The following VWF variants were observed in gnomAD, a reference collection of about 807,000 sequenced individuals.
VWF encodes Factor VIII related antigen.
A neutral mutation model predicts 308.6 loss-of-function variants in VWF; 176 were observed. That is an observed-to-expected ratio of 0.57 (90% CI 0.50 to 0.65). The LOEUF (loss-of-function observed/expected upper bound fraction) is 0.65, where lower values mean the gene tolerates loss of function less well. Among genes scored for constraint, VWF ranks in the 30% least tolerant of loss-of-function variants. The pLI, the probability that VWF is intolerant of heterozygous loss-of-function variation, is 0.00. For synonymous variants in VWF, 1,385 were observed against 1,443.4 expected (o/e 0.96, Z 0.92); for missense variants, 3,146 against 3,648.2 (o/e 0.86, Z 3.55).
At chr12:6,080,606 T>C (rs1218894882) in intron 6 of VWF, among the ~76,000 whole-genome samples, 4 of 151,756 alleles carry the variant, frequency 2.6e-5, no homozygotes, top group African/African-American at 9.7e-5. Context: ...AGAAACAGAG[T>C]CACCACGGCT....
rs1250165048 is a variant in VWF at position 6,057,311 on chromosome 12, A to ATTTTTTTTTTTTTTTT, written c.1730-255_1730-240dup. Among the ~76,000 whole-genome samples the ATTTTTTTTTTTTTTTT allele has an allele frequency of 7.8e-4, 101 of 129,382 alleles. 2 individuals carry two copies. The highest frequency in any genetic ancestry group is 1.1e-3 in the Non-Finnish European group (67 of 62,016). The allele number at this position is 129,382 out of a possible 152,430, so 84.9% of individuals were successfully genotyped here. A position where few individuals can be genotyped will look rare whatever the true frequency, so the allele number is the denominator to read the frequency against. On this transcript the variant is annotated intron_variant, in intron 14 of 51. Coordinates refer to ENST00000261405, the MANE Select transcript of VWF (RefSeq NM_000552.5). Reference sequence around the variant, plus strand: ...AAGGTCGAAGGACGGGGACTATGGAATTTTTTTTTTTTTTTTTTGGAGAGA... The same window carrying ATTTTTTTTTTTTTTTT: ...AAGGTCGAAGGACGGGGACTATGGAATTTTTTTTTTTTTTTTTTTTTTTTTTTTTTTTTTGGAGAGA...
At chr12:6,076,942 A>G (rs557081308) in intron 6 of VWF, among the ~76,000 whole-genome samples, 2 of 152,302 alleles carry the variant, frequency 1.3e-5, no homozygotes, top group South Asian at 4.1e-4. Context: ...TCCTAAGGAA[A>G]TCAGTGTTCT....
intron 15 of VWF, 74 bp from the exon 16 acceptor site, chr12:6,052,857 C>G (rs942452588): frequency 3.2e-6 from 5 of 1,552,018 alleles, no homozygotes; most frequent in African/African-American, 2.7e-5. Context: ...GGACTTGCCA[C>G]CCCTTGTAGC....
intron 47 of VWF, among the ~76,000 whole-genome samples, chr12:5,957,352 CAG>C (rs59281585): frequency 0.13 from 19,024 of 151,978 alleles, 1,345 homozygotes; most frequent in East Asian, 0.18. Context: ...CAAAATGAAA[CAG>C]AAAAAAATTA....
At chr12:5,960,158 A>G (rs1943297115) in intron 47 of VWF, among the ~76,000 whole-genome samples, 1 of 150,744 alleles carries the variant, frequency 6.6e-6, no homozygotes, top group African/African-American at 2.4e-5. Flanking sequence ...GAAACAAATT[A>G]TCAATATTAG....
At chr12:6,087,280 A>G (rs1423843759) in intron 6 of VWF, among the ~76,000 whole-genome samples, 1 of 151,810 alleles carries the variant, frequency 6.6e-6, no homozygotes, top group African/African-American at 2.4e-5. Context: ...CAGGGAGTAA[A>G]GGAGGGCTGC....
At chr12:6,078,625 A>G (rs111411588) in intron 6 of VWF, among the ~76,000 whole-genome samples, 1 of 152,222 alleles carries the variant, frequency 6.6e-6, no homozygotes, top group African/African-American at 2.4e-5. Context: ...GACTGCTGCC[A>G]TCACCTGGGC....
intron 47 of VWF, among the ~76,000 whole-genome samples, chr12:5,964,035 G>GT (rs1943350781): frequency 6.6e-6 from 1 of 151,968 alleles, no homozygotes; most frequent in South Asian, 2.1e-4. Context: ...GTGAAACCCC[G>GT]TCTCTACTAA....
At chr12:5,983,794 G>GAGATGATAGATAGATAGAT (rs1555191861) in intron 40 of VWF, among the ~76,000 whole-genome samples, 3 of 148,656 alleles carry the variant, frequency 2.0e-5, no homozygotes, top group Admixed American at 2.0e-4. Flanking sequence ...AGATACAATA[G>GAGATGATAGATAGATAGAT]AGATAGATAG....
At chr12:6,118,666 C>T (rs1945396289) in intron 3 of VWF, among the ~76,000 whole-genome samples, 1 of 152,106 alleles carries the variant, frequency 6.6e-6, no homozygotes, top group Admixed American at 6.5e-5. Context: ...GGACTGCAAG[C>T]ATGAGCCATT....
At chr12:6,117,309 A>C (rs1481942973) in intron 3 of VWF, among the ~76,000 whole-genome samples, 1 of 152,184 alleles carries the variant, frequency 6.6e-6, no homozygotes, top group Non-Finnish European at 1.5e-5. Context: ...CTCTGTGACC[A>C]CTGAAACCCA....
intron 5 of VWF, among the ~76,000 whole-genome samples, chr12:6,102,793 T>C (rs1016314932): frequency 1.7e-4 from 26 of 152,088 alleles, no homozygotes; most frequent in African/African-American, 5.8e-4. Context: ...TTCATATTGT[T>C]AAAATGACCA....
chr12:5,953,828 G>A, intron 47 of VWF: 1 of 538,946 alleles, frequency 1.9e-6, no homozygotes, highest in Non-Finnish European at 3.3e-6. Flanking sequence ...CCTATTAAAT[G>A]AGACCTTTTC....
At chr12:5,994,939 G>A (rs1458548295) in intron 35 of VWF, among the ~76,000 whole-genome samples, 6 of 152,082 alleles carry the variant, frequency 3.9e-5, no homozygotes, top group African/African-American at 9.7e-5. Context: ...TGGGAAAGTC[G>A]CCTTATTGCC....
At chr12:6,092,058 G>A (rs766171206) in intron 6 of VWF, among the ~76,000 whole-genome samples, 3 of 152,136 alleles carry the variant, frequency 2.0e-5, no homozygotes, top group Admixed American at 6.5e-5. Context: ...GTGGCCTGTC[G>A]CGTCCATCAT....
Position 6,022,048 on chromosome 12 carries a change from G to A in VWF, c.3539-13C>T, listed in dbSNP as rs983605376. The A allele has an allele frequency of 1.9e-6, 3 of 1,614,060 alleles. No homozygotes were observed. On this transcript the variant is annotated splice_polypyrimidine_tract_variant and intron_variant, in intron 26 of 51. Transcript: ENST00000261405. ...TCCAGGATTTTCCCTGCAAAAGAAAGCTCTCATTAGGAACCAAAACGCTCC... is the reference window on the plus strand; with the variant it reads ...TCCAGGATTTTCCCTGCAAAAGAAAACTCTCATTAGGAACCAAAACGCTCC...
At position 6,019,077 on chromosome 12, in the gene VWF, C is replaced by A; in HGVS notation, c.4341G>T (p.Glu1447Asp). The change falls in exon 28 of 52, where the codon GAG becomes GAT. Residue 1447 changes from glutamate to aspartate, a missense_variant. This residue lies in a region of VWF where 853 missense variants were observed against 1,177.8 expected (regional missense o/e 0.72). Coordinates refer to ENST00000261405, the MANE Select transcript of VWF (RefSeq NM_000552.5). The surrounding 1 kb of genome is among the most constrained non-coding windows in gnomAD (Gnocchi z 5.8). The stretch of plus-strand genomic sequence containing the variant: ...AGCTAACGATCTCGTCCCTTTGCTG[C>A]TCCAGCTCATCCACACTGCTCAGCA... ...AFVLSSVDEL[E>D]QQRDEIVSYL... 1 of 1,613,902 alleles carries A rather than the reference C, an allele frequency of 6.2e-7. No individual in the cohort carries two copies. Among genetic ancestry groups the A allele is most frequent in the Non-Finnish European group, 8.5e-7 (1 of 1,179,848 alleles).
In VWF at chr12:5,949,069, A is replaced by T; in HGVS notation, c.8388T>A (p.His2796Gln). The T allele has an allele frequency of 6.2e-7, 1 of 1,612,250 alleles. No individual in the cohort carries two copies. Among genetic ancestry groups the T allele is most frequent in the Non-Finnish European group, 8.5e-7 (1 of 1,178,452 alleles). The change falls in exon 52 of 52, where the codon CAT becomes CAA. Residue 2796 changes from histidine (H) to glutamine (Q), a missense_variant. This residue lies in a region of VWF where 989 missense variants were observed against 1,117.4 expected (regional missense o/e 0.89). Transcript: ENST00000261405. ...LHCTNGSVVY[H>Q]EVLNAMECKC... ...TGCACTCCATGGCATTGAGAACCTC[A>T]TGGTACACAACAGAGCCATTGGTGC...
chr12:6,082,752 G>A (rs1477356262), intron 6 of VWF, among the ~76,000 whole-genome samples: 2 of 152,234 alleles, frequency 1.3e-5, no homozygotes, highest in East Asian at 3.8e-4. Context: ...CTCTGAGCCT[G>A]TTCTGATTCG....
Sources: gnomAD v4.1 joint callset for allele counts (sites outside exome capture counted in the v4.1 genomes callset) on GRCh38, gnomAD v4.1.1 for gene constraint, gnomAD v4.1.1 regional missense constraint, Gnocchi (gnomAD v3.1) non-coding constraint, MANE v1.5 for transcripts, NCBI Gene and HGNC (gene_info 2026-07-23, HGNC 2026-07-21) for gene names.